CCBE1: variants seen among roughly 807,000 people sequenced by gnomAD.
CCBE1 encodes the protein collagen and calcium binding EGF domains 1.
Under a neutral mutation model 50.0 loss-of-function variants are expected in CCBE1, and 37 were observed. That is an observed-to-expected ratio of 0.74 (90% CI 0.57 to 0.97). The LOEUF is 0.97. Among genes scored for constraint, CCBE1 ranks in the 50% least tolerant of loss-of-function variants. The pLI is 0.00. For synonymous variants in CCBE1, 234 were observed against 203.7 expected, an observed-to-expected ratio of 1.15 and a Z score of -1.27; for missense variants, 538 against 523.8, an observed-to-expected ratio of 1.03 and a Z score of -0.26.
At chr18:59,534,341 TCTTGTC>T (rs1476589479) in intron 2 of CCBE1, among the ~76,000 whole-genome samples, 1 of 152,218 alleles carries the variant, frequency 6.6e-6, no homozygotes, top group Non-Finnish European at 1.5e-5. Context: ...GAGGTTTTTG[TCTTGTC>T]CTTAATATTT....
intron 2 of CCBE1, among the ~76,000 whole-genome samples, chr18:59,644,012 G>C (rs1013434989): frequency 6.6e-6 from 1 of 152,140 alleles, no homozygotes; most frequent in Non-Finnish European, 1.5e-5. Context: ...TATGGCACTG[G>C]TCCCCAACCT....
At chr18:59,581,146 G>A (rs572974419) in intron 2 of CCBE1, among the ~76,000 whole-genome samples, 3 of 152,250 alleles carry the variant, frequency 2.0e-5, no homozygotes, top group South Asian at 4.2e-4. Context: ...TGTGGACAAT[G>A]TTCAAGGCAC....
chr18:59,460,220 C>A (rs1911394951), intron 5 of CCBE1, among the ~76,000 whole-genome samples: 1 of 152,214 alleles, frequency 6.6e-6, no homozygotes, highest in Non-Finnish European at 1.5e-5. Context: ...GCCTCAGAGG[C>A]AGTCCTGGGG....
intron 2 of CCBE1, among the ~76,000 whole-genome samples, chr18:59,591,413 G>A (rs936997861): frequency 1.3e-5 from 2 of 151,974 alleles, no homozygotes; most frequent in African/African-American, 2.4e-5. Flanking sequence ...AAAACTGGGA[G>A]AAAATATTTG....
chr18:59,493,241 C>T (rs1203382220), intron 2 of CCBE1, among the ~76,000 whole-genome samples: 2 of 152,112 alleles, frequency 1.3e-5, no homozygotes, highest in African/African-American at 2.4e-5. Flanking sequence ...GTGACAGATC[C>T]CATTCCTCAC....
intron 5 of CCBE1, among the ~76,000 whole-genome samples, chr18:59,457,382 T>C (rs898434701): frequency 2.0e-5 from 3 of 152,156 alleles, no homozygotes; most frequent in Admixed American, 2.0e-4. Flanking sequence ...GCAGGTCCCA[T>C]CTCTGTCACT....
intron 2 of CCBE1, among the ~76,000 whole-genome samples, chr18:59,569,857 C>A (rs1282156340): frequency 3.3e-5 from 5 of 152,334 alleles, no homozygotes; most frequent in Admixed American, 6.5e-5. Flanking sequence ...TCTTAAACTC[C>A]TGGCCTCAAG....
intron 2 of CCBE1, chr18:59,666,242 G>C (rs960506947): frequency 2.0e-5 from 3 of 152,046 alleles, no homozygotes; most frequent in African/African-American, 7.2e-5. Flanking sequence ...AGAACGGCAC[G>C]GGAAAAACCC....
intron 4 of CCBE1, among the ~76,000 whole-genome samples, chr18:59,467,574 G>A (rs535594590): frequency 5.3e-5 from 8 of 152,310 alleles, no homozygotes; most frequent in Admixed American, 2.6e-4. Flanking sequence ...TCCCCATGAA[G>A]AGCCCATGTT....
At chr18:59,602,958 T>G (rs2053452088) in intron 2 of CCBE1, among the ~76,000 whole-genome samples, 1 of 152,170 alleles carries the variant, frequency 6.6e-6, no homozygotes, top group Admixed American at 6.5e-5. Context: ...GTGCCTTGTC[T>G]CGAATCATAA....
intron 6 of CCBE1, among the ~76,000 whole-genome samples, chr18:59,448,362 G>A (rs773898617): frequency 1.3e-5 from 2 of 152,120 alleles, no homozygotes; most frequent in Non-Finnish European, 2.9e-5. Context: ...GATATCACTA[G>A]AACTCATTAT....
intron 2 of CCBE1, among the ~76,000 whole-genome samples, chr18:59,500,575 T>C (rs1290653497): frequency 6.6e-6 from 1 of 152,146 alleles, no homozygotes; most frequent in Non-Finnish European, 1.5e-5. Flanking sequence ...AAAGTCCCCA[T>C]GGCACCTTCT....
At chr18:59,572,222 A>T (rs1049764202) in intron 2 of CCBE1, among the ~76,000 whole-genome samples, 1 of 152,230 alleles carries the variant, frequency 6.6e-6, no homozygotes, top group Non-Finnish European at 1.5e-5. Flanking sequence ...CTATCAAATC[A>T]ATCCCTCAAT....
chr18:59,690,420 T>C (rs1429577), intron 2 of CCBE1, among the ~76,000 whole-genome samples: 127,785 of 152,176 alleles, frequency 0.84, 54,244 homozygotes, highest in Admixed American at 0.92. Context: ...AACAATGCCT[T>C]AAATGCCAGC....
chr18:59,459,917 AAAGT>A (rs2143692890), intron 5 of CCBE1, among the ~76,000 whole-genome samples: 1 of 152,336 alleles, frequency 6.6e-6, no homozygotes, highest in East Asian at 1.9e-4. Flanking sequence ...GTGGAGCTTG[AAAGT>A]AATATGAAAC....
intron 2 of CCBE1, among the ~76,000 whole-genome samples, chr18:59,573,925 T>C (rs1446792887): frequency 6.6e-6 from 1 of 152,254 alleles, no homozygotes; most frequent in East Asian, 1.9e-4. Context: ...TTTCATGTAA[T>C]AGGTATGAAA....
At chr18:59,577,926 A>G (rs1300797570) in intron 2 of CCBE1, among the ~76,000 whole-genome samples, 1 of 150,604 alleles carries the variant, frequency 6.6e-6, no homozygotes, top group Non-Finnish European at 1.5e-5. Context: ...CTAAAACACC[A>G]AAAGCAATGG....
chr18:59,509,953 T>C (rs1186198575), intron 2 of CCBE1, among the ~76,000 whole-genome samples: 1 of 152,156 alleles, frequency 6.6e-6, no homozygotes. Flanking sequence ...CACATTTTGT[T>C]GTACAAGGAC....
Position 59,503,890 on chromosome 18 carries a change from G to A in CCBE1, c.213-23652C>T, listed in dbSNP as rs551913812. Among the ~76,000 whole-genome samples, 303 of 152,164 alleles carry A rather than the reference G, an allele frequency of 2.0e-3. 1 individual carries two copies. Among genetic ancestry groups the A allele is most frequent in the African/African-American group, 6.9e-3 (288 of 41,500 alleles). ...TCTTCACACCTTACTCTCCACCTAT[G>A]GGTACAACTCAGAAGATCCCTTTGT... On this transcript the variant is annotated intron_variant, in intron 2 of 10. Coordinates refer to ENST00000439986, the MANE Select transcript of CCBE1 (RefSeq NM_133459.4).
Sources: gnomAD v4.1 joint callset for allele counts (sites outside exome capture counted in the v4.1 genomes callset) on GRCh38, gnomAD v4.1.1 for gene constraint, MANE v1.5 for transcripts, NCBI Gene and HGNC (gene_info 2026-07-23, HGNC 2026-07-21) for gene names.